Variants in PKHD1 observed in about 807,000 individuals in gnomAD.
PKHD1 encodes fibrocystin.
Under a neutral mutation model 412.0 loss-of-function variants are expected in PKHD1, and 291 were observed. The ratio of observed to expected loss-of-function variants is 0.71; its 90% CI spans 0.64 to 0.78. The LOEUF is 0.78. Ranked by LOEUF, PKHD1 falls within the 30% of genes least tolerant of loss-of-function variation. The probability of loss-of-function intolerance (pLI) is 0.00; values close to 1 mark genes in which losing one functional copy is unlikely to be tolerated. For missense variants in PKHD1, 4,825 were observed against 4,950.7 expected, an observed-to-expected ratio of 0.97 and a Z score of 0.76; for synonymous variants, 1,777 against 1,821.5, an observed-to-expected ratio of 0.98 and a Z score of 0.62.
Position 51,772,724 on chromosome 6 carries a change from C to T in PKHD1, c.8620G>A (p.Asp2874Asn). Residue 2874 changes from aspartate to asparagine, a missense_variant, in exon 55 of 67, where the codon GAT (aspartate) becomes AAT (asparagine). Coordinates refer to ENST00000371117, the MANE Select transcript of PKHD1 (RefSeq NM_138694.4). ...PKNSWTHLGA[D>N]IASGNERIIV... ...TACCTCTCATTTCCTGAGGCAATAT[C>T]AGCTCCAAGATGTGTCCAGGAGTTC... 1 of 1,586,260 alleles carries T rather than the reference C, an allele frequency of 6.3e-7. No individual in the cohort carries two copies. Among genetic ancestry groups the T allele is most frequent in the Non-Finnish European group, 8.7e-7 (1 of 1,155,672 alleles).
intron 61 of PKHD1, among the ~76,000 whole-genome samples, chr6:51,657,861 T>A (rs1772147199): frequency 6.6e-6 from 1 of 152,130 alleles, no homozygotes; most frequent in African/African-American, 2.4e-5. Context: ...ATAAAATCAG[T>A]CATTTTGGAA....
At chr6:51,863,264 G>C (rs1754926394) in intron 48 of PKHD1, among the ~76,000 whole-genome samples, 1 of 151,920 alleles carries the variant, frequency 6.6e-6, no homozygotes, top group African/African-American at 2.4e-5. Context: ...TATATGTCTT[G>C]ACTATTTTAT....
chr6:51,630,002 A>G (rs917768864), intron 65 of PKHD1, among the ~76,000 whole-genome samples: 6 of 152,198 alleles, frequency 3.9e-5, no homozygotes, highest in African/African-American at 1.4e-4. Flanking sequence ...AACAAATGTG[A>G]TCTTTTTGAA....
At chr6:51,847,751 A>C (rs748880907) in intron 50 of PKHD1, 24 bp downstream of exon 50, 8 of 1,523,406 alleles carry the variant, frequency 5.3e-6, no homozygotes, top group South Asian at 2.2e-5. Flanking sequence ...TGCTCTCAAA[A>C]CATTCATCCA....
intron 36 of PKHD1, among the ~76,000 whole-genome samples, chr6:51,949,556 C>T (rs913750435): frequency 6.6e-6 from 1 of 152,104 alleles, no homozygotes; most frequent in African/African-American, 2.4e-5. Context: ...TGGCAAGATC[C>T]GGATTAGACT....
In PKHD1 at chr6:51,867,844, T is replaced by G; in HGVS notation, c.7733+19A>C. ...GCATGCCCATCGGCAAGCTAAAAAG[T>G]ATAGTTAATTCCACTTACAAACCAA... On this transcript the variant is annotated intron_variant, in intron 48 of 66. Coordinates refer to ENST00000371117, the MANE Select transcript of PKHD1 (RefSeq NM_138694.4). 2 of 1,610,890 alleles carry G rather than the reference T, an allele frequency of 1.2e-6. No homozygotes were observed. Among genetic ancestry groups the G allele is most frequent in the Non-Finnish European group, 1.7e-6 (2 of 1,177,454 alleles).
At chr6:51,912,691 C>A in intron 37 of PKHD1, 115 bp from the exon 38 acceptor site, 1 of 783,072 alleles carries the variant, frequency 1.3e-6, no homozygotes, top group Non-Finnish European at 2.2e-6. Context: ...TAAAATAAGA[C>A]CTGGAAAAGC....
At chr6:51,953,343 C>G (rs146995662) in intron 36 of PKHD1, among the ~76,000 whole-genome samples, 1 of 152,014 alleles carries the variant, frequency 6.6e-6, no homozygotes, top group South Asian at 2.1e-4. Flanking sequence ...AAAATTACTG[C>G]CTTCCTTCAG....
At chr6:52,069,427 G>A (rs1810254585) in intron 11 of PKHD1, 30 bp downstream of exon 11, 2 of 1,519,454 alleles carry the variant, frequency 1.3e-6, no homozygotes, top group African/African-American at 1.4e-5. Context: ...AGGCACAAGG[G>A]AAGGGGTACT....
intron 25 of PKHD1, 120 bp from the exon 26 acceptor site, chr6:52,043,850 C>A: frequency 1.4e-6 from 1 of 690,936 alleles, no homozygotes; most frequent in East Asian, 2.8e-5. Flanking sequence ...ATTCTTATTC[C>A]TTTTTTCTAT....
rs370037953 is a variant in PKHD1, at chr6:51,814,790, G to C, written c.8302+16071C>G. On this transcript the variant is annotated intron_variant, in intron 52 of 66. Transcript: ENST00000371117. ...GGCCACCGGCTCACCAGGGGAGACA[G>C]GAAATGAGAGGTGCCTACTGGGAAT... Among the ~76,000 whole-genome samples, 82 of 152,312 alleles carry C rather than the reference G, an allele frequency of 5.4e-4. 2 individuals carry two copies. In the South Asian group the frequency reaches 0.016, roughly 30 times the overall value.
chr6:51,646,724 A>G (rs1470877455), intron 63 of PKHD1, among the ~76,000 whole-genome samples: 1 of 152,170 alleles, frequency 6.6e-6, no homozygotes, highest in Non-Finnish European at 1.5e-5. Flanking sequence ...AGTTGTCCTT[A>G]AGTCCTTGTT....
At chr6:51,919,401 C>T (rs1379406920) in intron 37 of PKHD1, among the ~76,000 whole-genome samples, 1 of 152,158 alleles carries the variant, frequency 6.6e-6, no homozygotes, top group Non-Finnish European at 1.5e-5. Context: ...TTCCCCATTG[C>T]TTGTTTCTGT....
At chr6:51,755,714 G>T (rs1234362905) in intron 55 of PKHD1, among the ~76,000 whole-genome samples, 1 of 152,076 alleles carries the variant, frequency 6.6e-6, no homozygotes, top group East Asian at 1.9e-4. Flanking sequence ...ATTAGCTAAT[G>T]CCCAAAGTTT....
chr6:52,077,458 C>T (rs1811486764), intron 5 of PKHD1, among the ~76,000 whole-genome samples: 1 of 152,220 alleles, frequency 6.6e-6, no homozygotes, highest in Admixed American at 6.5e-5. Flanking sequence ...TTCCACACAA[C>T]CTACAGTGCT....
intron 66 of PKHD1, among the ~76,000 whole-genome samples, chr6:51,621,278 A>G (rs1040609086): frequency 1.3e-5 from 2 of 152,166 alleles, no homozygotes; most frequent in African/African-American, 4.8e-5. Context: ...TGAGCTGGGC[A>G]TCATCTCCAT....
At chr6:51,819,746 C>T (rs956096173) in intron 52 of PKHD1, among the ~76,000 whole-genome samples, 1 of 152,150 alleles carries the variant, frequency 6.6e-6, no homozygotes, top group Non-Finnish European at 1.5e-5. Flanking sequence ...ACTCTGTTTT[C>T]ATATCACACA....
Position 51,659,859 on chromosome 6 carries a change from C to T in PKHD1, c.10267G>A (p.Ala3423Thr), listed in dbSNP as rs1220230689. The change falls in exon 61 of 67, where the codon GCA becomes ACA. Residue 3423 changes from alanine (A) to threonine (T), a missense_variant. Physicochemically the swap from Ala to Thr is moderately conservative, Grantham distance 58. Coordinates refer to ENST00000371117, the MANE Select transcript of PKHD1 (RefSeq NM_138694.4). ...ACAACTGGATATAACTTCTGAATTG[C>T]CCAAATGGCATCAGCGCTATCAAGA... ...LILDSADAIWAIQKLYPVVSV... is the reference protein window; with the variant it reads ...LILDSADAIWTIQKLYPVVSV... 1.9e-6 allele frequency: 3 copies of T among 1,613,666 alleles called. No homozygotes were observed. In the South Asian group the frequency reaches 3.3e-5, roughly 18 times the overall value.
chr6:51,858,573 T>C (rs1225926460), intron 48 of PKHD1, among the ~76,000 whole-genome samples: 3 of 152,128 alleles, frequency 2.0e-5, no homozygotes, highest in Non-Finnish European at 4.4e-5. Context: ...CAAAAGTATA[T>C]CCTTCCAGTT....
Sources: gnomAD v4.1 joint callset for allele counts (sites outside exome capture counted in the v4.1 genomes callset) on GRCh38, gnomAD v4.1.1 for gene constraint, MANE v1.5 for transcripts, NCBI Gene and HGNC (gene_info 2026-07-23, HGNC 2026-07-21) for gene names.